PTPRD: variants seen among roughly 807,000 people sequenced by gnomAD.
PTPRD encodes the protein protein tyrosine phosphatase receptor type D.
PTPRD carries 34 observed loss-of-function variants against 214.5 expected under a neutral mutation model. The ratio of observed to expected loss-of-function variants is 0.16; its 90% confidence interval spans 0.12 to 0.21. PTPRD has a LOEUF of 0.21. Ranked by LOEUF, PTPRD falls within the 10% of genes least tolerant of loss-of-function variation. The pLI is 1.00. For missense variants in PTPRD, 2,545 were observed against 2,398.7 expected (o/e 1.06, Z -1.27); for synonymous variants, 1,128 against 845.7 (o/e 1.33, Z -5.79).
intron 5 of PTPRD, among the ~76,000 whole-genome samples, chr9:9,817,305 T>A (rs2049081504): frequency 6.6e-6 from 1 of 152,208 alleles, no homozygotes. Context: ...AACTCTGATT[T>A]GTTTTTAGAT....
chr9:9,746,754 T>G (rs1209903502), intron 6 of PTPRD, among the ~76,000 whole-genome samples: 1 of 151,164 alleles, frequency 6.6e-6, no homozygotes, highest in Admixed American at 6.6e-5. Flanking sequence ...TGTAGGAATG[T>G]CCATCTTGGG....
Position 8,681,437 on chromosome 9 carries a change from G to C in PTPRD, c.65-44593C>G, listed in dbSNP as rs147849923. Among the ~76,000 whole-genome samples, 70 of 152,302 alleles carry C rather than the reference G, an allele frequency of 4.6e-4. 2 individuals are homozygous for C. In the East Asian group the frequency reaches 0.013, roughly 28 times the overall value. ...TGGAACAGGCTAGTTTGAAGCAACA[G>C]TTTAACCAAGAAGCTGCTAGAACTT... is the stretch of plus-strand genomic sequence containing the variant. On this transcript the variant is annotated intron_variant, in intron 12 of 45. Transcript: ENST00000381196.
intron 12 of PTPRD, among the ~76,000 whole-genome samples, chr9:8,656,527 G>T (rs1003865086): frequency 6.6e-6 from 1 of 152,026 alleles, no homozygotes; most frequent in Non-Finnish European, 1.5e-5. Context: ...CCTTGCATAG[G>T]TACCACACGT....
intron 8 of PTPRD, among the ~76,000 whole-genome samples, chr9:9,460,451 T>A (rs908003178): frequency 2.0e-5 from 3 of 151,534 alleles, no homozygotes; most frequent in Non-Finnish European, 2.9e-5. Context: ...AGAACTAACA[T>A]CCAGAATCTA....
chr9:8,479,696 G>A (rs1387352305), intron 30 of PTPRD, among the ~76,000 whole-genome samples: 1 of 152,080 alleles, frequency 6.6e-6, no homozygotes, highest in Non-Finnish European at 1.5e-5. Context: ...AACACAATTT[G>A]GTGAACAGCC....
At chr9:9,902,181 G>C (rs1447099513) in intron 5 of PTPRD, among the ~76,000 whole-genome samples, 1 of 151,890 alleles carries the variant, frequency 6.6e-6, no homozygotes, top group African/African-American at 2.4e-5. Context: ...ATAATTCTAA[G>C]CTTGTGTGTA....
rs575062933 is a variant in PTPRD at position 10,234,051 on chromosome 9, G to A, written c.-545+106912C>T. 2.0e-5 allele frequency among the ~76,000 whole-genome samples: 3 copies of A among 151,504 alleles called. No individual in the cohort carries two copies. The East Asian group carries it at 5.9e-4, about 30-fold the overall frequency. ...GTGGTTCACCTTAGGTCAGGAATTC[G>A]AGACCAGCCTGGCCAACATGGTGAA... On this transcript the variant is annotated intron_variant, in intron 3 of 45. Transcript: ENST00000381196.
At chr9:8,439,452 G>A (rs953718271) in intron 34 of PTPRD, among the ~76,000 whole-genome samples, 1 of 152,198 alleles carries the variant, frequency 6.6e-6, no homozygotes, top group African/African-American at 2.4e-5. Flanking sequence ...TGAAGGGAGA[G>A]AGTACTTACT....
intron 5 of PTPRD, among the ~76,000 whole-genome samples, chr9:9,795,983 C>G (rs922385182): frequency 2.2e-4 from 34 of 151,536 alleles, no homozygotes; most frequent in African/African-American, 8.2e-4. Flanking sequence ...ACCACCGTCA[C>G]AAGAAAAAAG....
intron 6 of PTPRD, among the ~76,000 whole-genome samples, chr9:9,748,893 A>ATATTCATT (rs1419371657): frequency 6.6e-6 from 1 of 152,102 alleles, no homozygotes; most frequent in Non-Finnish European, 1.5e-5. Context: ...CTGCATACTG[A>ATATTCATT]TATTCATTTA....
At chr9:9,909,999 G>C (rs548857663) in intron 5 of PTPRD, among the ~76,000 whole-genome samples, 11 of 151,976 alleles carry the variant, frequency 7.2e-5, no homozygotes, top group African/African-American at 2.4e-4. Context: ...TAATTCCTTG[G>C]TGTTACTATT....
At chr9:9,299,905 A>G (rs977235217) in intron 9 of PTPRD, among the ~76,000 whole-genome samples, 7 of 150,732 alleles carry the variant, frequency 4.6e-5, no homozygotes, top group African/African-American at 1.7e-4. Flanking sequence ...TCTAATTTAT[A>G]CATTTTTTAC....
intron 3 of PTPRD, among the ~76,000 whole-genome samples, chr9:10,112,483 A>G (rs1342050983): frequency 1.3e-5 from 2 of 152,138 alleles, no homozygotes; most frequent in Non-Finnish European, 1.5e-5. Context: ...TAAAAATATA[A>G]GTAAATGAAG....
chr9:10,252,909 G>A (rs1274525710), intron 3 of PTPRD, among the ~76,000 whole-genome samples: 1 of 151,802 alleles, frequency 6.6e-6, no homozygotes, highest in Non-Finnish European at 1.5e-5. Flanking sequence ...TCAGCCTCCC[G>A]AGTAGCTGGG....
At chr9:9,701,292 G>A (rs1290170278) in intron 7 of PTPRD, among the ~76,000 whole-genome samples, 1 of 152,046 alleles carries the variant, frequency 6.6e-6, no homozygotes, top group African/African-American at 2.4e-5. Flanking sequence ...ACAATAAGGA[G>A]CCATTTAAAA....
At chr9:9,412,027 G>T (rs779231358) in intron 8 of PTPRD, among the ~76,000 whole-genome samples, 1 of 152,168 alleles carries the variant, frequency 6.6e-6, no homozygotes, top group South Asian at 2.1e-4. Flanking sequence ...CCACATTCAC[G>T]GGATCTTTCT....
At chr9:8,454,995 T>C (rs2133850464) in intron 33 of PTPRD, among the ~76,000 whole-genome samples, 1 of 152,338 alleles carries the variant, frequency 6.6e-6, no homozygotes, top group African/African-American at 2.4e-5. Flanking sequence ...TACAGCATCA[T>C]TCCATAAAAG....
intron 2 of PTPRD, among the ~76,000 whole-genome samples, chr9:10,590,321 CTTAA>C (rs886130714): frequency 2.0e-4 from 30 of 151,924 alleles, no homozygotes; most frequent in African/African-American, 5.8e-4. Context: ...TAAAAATCAG[CTTAA>C]TTGAGGTATA....
rs1566997370 is a variant in PTPRD, at chr9:9,998,119, A to AT, written c.-472+35598_-472+35599insA. 3.4e-3 allele frequency among the ~76,000 whole-genome samples: 191 copies of AT among 55,864 alleles called. 5 individuals are homozygous for AT. The East Asian group carries it at 0.037, about 11-fold the overall frequency. 36.6% of individuals were successfully genotyped at this position (55,864 alleles called of 152,430 possible). On this transcript the variant is annotated intron_variant, in intron 4 of 45. Transcript: ENST00000381196. ...ACCCTAGAACTTAAAGTATAATAAA[A>AT]AAAAAAAAAAATATATATATATATA...
Sources: allele counts gnomAD v4.1 joint callset (sites outside exome capture counted in the v4.1 genomes callset), GRCh38; gene constraint gnomAD v4.1.1; transcripts MANE v1.5; gene names NCBI Gene and HGNC (gene_info 2026-07-23, HGNC 2026-07-21).